CRYBG1: variants seen among roughly 807,000 people sequenced by gnomAD.
CRYBG1 encodes the protein beta/gamma crystallin domain-containing protein 1.
In CRYBG1, 139 loss-of-function variants were observed where a neutral mutation model predicts 189.2. That is an observed-to-expected ratio of 0.73 (90% CI 0.64 to 0.85). The LOEUF (loss-of-function observed/expected upper bound fraction) is 0.85, where lower values mean the gene tolerates loss of function less well. Among genes scored for constraint, CRYBG1 ranks in the 40% least tolerant of loss-of-function variants. The probability of loss-of-function intolerance (pLI) is 0.00; values close to 1 mark genes in which losing one functional copy is unlikely to be tolerated. For missense variants in CRYBG1, 2,611 were observed against 2,675.8 expected (o/e 0.98, Z 0.53); for synonymous variants, 1,023 against 1,017.1 (o/e 1.01, Z -0.11).
intron 20 of CRYBG1, 120 bp from the exon 21 acceptor site, chr6:106,563,644 T>G (rs1216330417): frequency 2.0e-6 from 2 of 983,174 alleles, no homozygotes; most frequent in Admixed American, 2.7e-5. Context: ...CTGCCTCATG[T>G]GGGGTAAATG....
At chr6:106,489,664 C>CA (rs75108691) in intron 2 of CRYBG1, among the ~76,000 whole-genome samples, 18,149 of 115,522 alleles carry the variant, frequency 0.16, 1,291 homozygotes, top group Admixed American at 0.26. Flanking sequence ...ACTAAAAATA[C>CA]AAAAAAAAAA....
chr6:106,467,761 G>A (rs921554989), intron 2 of CRYBG1, among the ~76,000 whole-genome samples: 2 of 151,846 alleles, frequency 1.3e-5, no homozygotes, highest in Non-Finnish European at 2.9e-5. Context: ...AGCAAAATCT[G>A]ACCTGAACTG....
At chr6:106,499,160 T>G (rs1190829885) in intron 2 of CRYBG1, among the ~76,000 whole-genome samples, 4 of 142,610 alleles carry the variant, frequency 2.8e-5, no homozygotes, top group Non-Finnish European at 6.1e-5. Context: ...TTGTTTGTTT[T>G]TTGCTTTTTT....
intron 7 of CRYBG1, 63 bp from the exon 8 acceptor site, chr6:106,530,113 A>C: frequency 7.3e-7 from 1 of 1,371,778 alleles, no homozygotes; most frequent in Non-Finnish European, 9.8e-7. Flanking sequence ...AAGAAGAATG[A>C]GCTTACTAGA....
chr6:106,428,659 A>G (rs1771270522), intron 1 of CRYBG1, among the ~76,000 whole-genome samples: 1 of 152,220 alleles, frequency 6.6e-6, no homozygotes, highest in Non-Finnish European at 1.5e-5. Context: ...GCCTAAGGTG[A>G]TACAGTTAGA....
chr6:106,377,620 T>TA (rs1562290419), intron 1 of CRYBG1, among the ~76,000 whole-genome samples: 1,112 of 14,108 alleles, frequency 0.079, 41 homozygotes, highest in African/African-American at 0.12. Flanking sequence ...GTCCTAAGGT[T>TA]TTATATATAT....
intron 2 of CRYBG1, among the ~76,000 whole-genome samples, chr6:106,505,859 T>C (rs1484332607): frequency 6.6e-6 from 1 of 152,170 alleles, no homozygotes; most frequent in Non-Finnish European, 1.5e-5. Flanking sequence ...CATTCCCATG[T>C]GGCTGAATTG....
Position 106,568,673 on chromosome 6 carries a change from C to T in CRYBG1, c.*107C>T, listed in dbSNP as rs1207418285. On this transcript the variant is annotated 3_prime_UTR_variant, in exon 22 of 22. Coordinates refer to ENST00000633556, the MANE Select transcript of CRYBG1 (RefSeq NM_001371242.2). ...CTGGAAAGTGGATCGACTCCTCCTT[C>T]ATTGATTCTAAATTCAACCTTAAAT... 22 of 742,758 alleles carry T rather than the reference C, an allele frequency of 3.0e-5. No homozygotes were observed. The East Asian group carries it at 5.3e-4, about 18-fold the overall frequency. 46.0% of individuals were successfully genotyped at this position (742,758 alleles called of 1,614,324 possible).
At chr6:106,396,135 T>C (rs1034589707) in intron 1 of CRYBG1, among the ~76,000 whole-genome samples, 1 of 152,234 alleles carries the variant, frequency 6.6e-6, no homozygotes, top group African/African-American at 2.4e-5. Context: ...AAGTGCCAGC[T>C]TGTATACTCA....
At chr6:106,465,391 T>C (rs1772095188) in intron 2 of CRYBG1, among the ~76,000 whole-genome samples, 1 of 152,166 alleles carries the variant, frequency 6.6e-6, no homozygotes, top group South Asian at 2.1e-4. Context: ...TTTGTATCTA[T>C]AAAAGAGGGA....
At chr6:106,524,814 G>T (rs1356398437) in intron 4 of CRYBG1, among the ~76,000 whole-genome samples, 1 of 152,124 alleles carries the variant, frequency 6.6e-6, no homozygotes, top group Non-Finnish European at 1.5e-5. Flanking sequence ...ATTTGAATTA[G>T]AATCTCTTAG....
At chr6:106,414,221 G>A (rs1288137665) in intron 1 of CRYBG1, among the ~76,000 whole-genome samples, 1 of 152,222 alleles carries the variant, frequency 6.6e-6, no homozygotes, top group Non-Finnish European at 1.5e-5. Flanking sequence ...TCAAGTGGAA[G>A]TGAATCTTGA....
chr6:106,494,272 T>C (rs1772792713), intron 2 of CRYBG1, among the ~76,000 whole-genome samples: 1 of 152,162 alleles, frequency 6.6e-6, no homozygotes. Flanking sequence ...ATTATAGATT[T>C]CAGATTTTCA....
chr6:106,397,034 A>G (rs1770627026), intron 1 of CRYBG1, among the ~76,000 whole-genome samples: 1 of 152,240 alleles, frequency 6.6e-6, no homozygotes. Flanking sequence ...CATCTAAACT[A>G]AAGTTGCTGT....
chr6:106,485,528 T>C (rs1772577992), intron 2 of CRYBG1, among the ~76,000 whole-genome samples: 1 of 152,200 alleles, frequency 6.6e-6, no homozygotes, highest in African/African-American at 2.4e-5. Flanking sequence ...GGACTTCCAG[T>C]ATTATGTTCA....
intron 1 of CRYBG1, among the ~76,000 whole-genome samples, chr6:106,408,582 G>T (rs1278076987): frequency 6.6e-6 from 1 of 152,056 alleles, no homozygotes; most frequent in Non-Finnish European, 1.5e-5. Context: ...AAAATTTCAG[G>T]CCAATATCCC....
chr6:106,403,254 T>G (rs1420526765), intron 1 of CRYBG1, among the ~76,000 whole-genome samples: 1 of 152,160 alleles, frequency 6.6e-6, no homozygotes, highest in Non-Finnish European at 1.5e-5. Context: ...GGAGGATTAC[T>G]TGAGCCCAAG....
At chr6:106,426,835 C>A (rs1161554755) in intron 1 of CRYBG1, among the ~76,000 whole-genome samples, 1 of 152,176 alleles carries the variant, frequency 6.6e-6, no homozygotes, top group African/African-American at 2.4e-5. Context: ...TAAGAGTTGC[C>A]TAAATGAATT....
intron 2 of CRYBG1, among the ~76,000 whole-genome samples, chr6:106,480,742 C>T (rs907510381): frequency 2.6e-5 from 4 of 151,638 alleles, no homozygotes; most frequent in East Asian, 1.9e-4. Flanking sequence ...GAGGCTGAGG[C>T]GGGTGGATCA....
Sources: allele counts gnomAD v4.1 joint callset (sites outside exome capture counted in the v4.1 genomes callset), GRCh38; gene constraint gnomAD v4.1.1; transcripts MANE v1.5; gene names NCBI Gene and HGNC (gene_info 2026-07-23, HGNC 2026-07-21).